Variants in CCNH observed in about 807,000 individuals in gnomAD.
CCNH encodes cyclin-H.
In CCNH, 31 loss-of-function variants were observed where a neutral mutation model predicts 41.9. The observed-to-expected ratio is 0.74, with a 90% confidence interval of 0.56 to 1.00. The LOEUF is 1.00. Ranked by LOEUF, CCNH falls within the 50% of genes least tolerant of loss-of-function variation. CCNH has a pLI of 0.00. For synonymous variants in CCNH, 138 were observed against 136.1 expected, an observed-to-expected ratio of 1.01 and a Z score of -0.10; for missense variants, 362 against 388.4, an observed-to-expected ratio of 0.93 and a Z score of 0.57.
intron 9 of CCNH, among the ~76,000 whole-genome samples, chr5:87,370,058 T>A (rs978246076): frequency 1.9e-4 from 29 of 152,096 alleles, no homozygotes; most frequent in Admixed American, 2.6e-4. Flanking sequence ...ATGTAAAAAG[T>A]TTTCTGAAAG....
downstream of CCNH, chr5:87,391,273 C>T: frequency 2.6e-6 from 1 of 382,836 alleles, no homozygotes; most frequent in Admixed American, 4.2e-5. Flanking sequence ...TGACAAGAAA[C>T]ACATTCTTAT....
chr5:87,380,675 A>G (rs1359534363), upstream of CCNH: 1 of 1,265,176 alleles, frequency 7.9e-7, no homozygotes, highest in Non-Finnish European at 1.2e-6. Flanking sequence ...ACAATATACA[A>G]TTCAATGCTT....
intron 9 of CCNH, among the ~76,000 whole-genome samples, chr5:87,365,465 T>C (rs1050636046): frequency 2.6e-5 from 4 of 152,180 alleles, no homozygotes; most frequent in Non-Finnish European, 5.9e-5. Context: ...CTACCTTTTA[T>C]GTTCAAGCAG....
downstream of CCNH, among the ~76,000 whole-genome samples, chr5:87,390,485 T>G (rs1490396232): frequency 6.6e-6 from 1 of 151,594 alleles, no homozygotes; most frequent in African/African-American, 2.4e-5. Flanking sequence ...AGATATTAAA[T>G]AAAAAAAGCC....
chr5:87,382,029 G>A (rs1761753079), upstream of CCNH, among the ~76,000 whole-genome samples: 1 of 152,100 alleles, frequency 6.6e-6, no homozygotes, highest in East Asian at 1.9e-4. Flanking sequence ...TCGGCTTACT[G>A]CAACCCCCGC....
At chr5:87,363,418 A>T (rs1760263266) in intron 9 of CCNH, 1 of 1,611,014 alleles carries the variant, frequency 6.2e-7, no homozygotes, top group Non-Finnish European at 8.5e-7. Context: ...TTTATTTTGA[A>T]AGCGAAAAAC....
chr5:87,338,531 A>ATG (rs1554045533), intron 9 of CCNH, among the ~76,000 whole-genome samples: 4 of 81,036 alleles, frequency 4.9e-5, no homozygotes, highest in Non-Finnish European at 7.3e-5. Context: ...ATATATATAT[A>ATG]TAAAATTTTT....
intron 9 of CCNH, chr5:87,363,289 T>C (rs1055417368): frequency 4.3e-6 from 6 of 1,396,828 alleles, no homozygotes; most frequent in Non-Finnish European, 5.0e-6. Context: ...CTAATTTTAA[T>C]AATATGTAGG....
At chr5:87,369,978 T>C in intron 9 of CCNH, 1 of 1,214,016 alleles carries the variant, frequency 8.2e-7, no homozygotes, top group South Asian at 1.3e-5. Context: ...TAGAAAATGA[T>C]CGCATTCAAG....
intron 1 of CCNH, 166 bp downstream of exon 1, chr5:87,412,512 C>T (rs780496816): frequency 3.9e-4 from 559 of 1,435,254 alleles, no homozygotes; most frequent in Non-Finnish European, 4.9e-4. Context: ...CGTCTTTGTA[C>T]CCACGGAACC....
chr5:87,370,621 C>G (rs144452665), intron 9 of CCNH, among the ~76,000 whole-genome samples: 5 of 152,258 alleles, frequency 3.3e-5, no homozygotes, highest in Admixed American at 3.3e-4. Context: ...GATCGAGACA[C>G]TGTAAGCCAG....
At chr5:87,387,189 T>G (rs1038660267), downstream of CCNH, among the ~76,000 whole-genome samples, 1 of 152,178 alleles carries the variant, frequency 6.6e-6, no homozygotes, top group Non-Finnish European at 1.5e-5. Flanking sequence ...CTTTTAAAGC[T>G]ATCACATCTG....
At chr5:87,371,749 C>T (rs1040147170), downstream of CCNH, among the ~76,000 whole-genome samples, 2 of 152,102 alleles carry the variant, frequency 1.3e-5, no homozygotes, top group Non-Finnish European at 2.9e-5. Flanking sequence ...TCCACCTAAG[C>T]TTGCCTCAAG....
chr5:87,351,659 C>A (rs1318184959), intron 9 of CCNH, among the ~76,000 whole-genome samples: 1 of 151,642 alleles, frequency 6.6e-6, no homozygotes, highest in Non-Finnish European at 1.5e-5. Context: ...ATATGAATGT[C>A]TAGAAAATTC....
intron 6 of CCNH, among the ~76,000 whole-genome samples, chr5:87,400,504 G>A (rs1763320123): frequency 6.6e-6 from 1 of 152,070 alleles, no homozygotes; most frequent in Admixed American, 6.5e-5. Flanking sequence ...ATCACAATTA[G>A]CTTTTAAAGT....
intron 9 of CCNH, among the ~76,000 whole-genome samples, chr5:87,364,888 T>C (rs1760388510): frequency 6.6e-6 from 1 of 152,154 alleles, no homozygotes; most frequent in Non-Finnish European, 1.5e-5. Flanking sequence ...CCTGATAGAA[T>C]GAGGAGACCC....
chr5:87,385,963 TACTC>T (rs1056330367), intron 9 of CCNH, among the ~76,000 whole-genome samples: 2 of 152,054 alleles, frequency 1.3e-5, no homozygotes, highest in African/African-American at 4.8e-5. Context: ...CTTTCATACT[TACTC>T]AATTATTAGC....
chr5:87,349,088 AAAAC>A, intron 9 of CCNH: 1 of 1,210,686 alleles, frequency 8.3e-7, no homozygotes, highest in Admixed American at 2.4e-5. Flanking sequence ...TCTTAAAAAA[AAAAC>A]AAGTTCCTGG....
At chr5:87,356,372 A>G (rs1452599594) in intron 9 of CCNH, among the ~76,000 whole-genome samples, 1 of 151,592 alleles carries the variant, frequency 6.6e-6, no homozygotes, top group Non-Finnish European at 1.5e-5. Flanking sequence ...CTGACGTCCT[A>G]GATGATTGTT....
Sources: allele counts gnomAD v4.1 joint callset (sites outside exome capture counted in the v4.1 genomes callset), GRCh38; gene constraint gnomAD v4.1.1; transcripts MANE v1.5; gene names NCBI Gene and HGNC (gene_info 2026-07-23, HGNC 2026-07-21).